The following ITGBL1 variants were observed in gnomAD, a reference collection of about 807,000 sequenced individuals.
ITGBL1 encodes the protein integrin subunit beta like 1, also known as integrin beta-like protein 1.
In ITGBL1, 51 loss-of-function variants were observed where a neutral mutation model predicts 68.5. The ratio of observed to expected loss-of-function variants is 0.74; its 90% CI spans 0.59 to 0.94. The LOEUF (loss-of-function observed/expected upper bound fraction) is 0.94. Ranked by LOEUF, ITGBL1 falls within the 40% of genes least tolerant of loss-of-function variation. The pLI is 0.00. For missense variants in ITGBL1, 649 were observed against 647.4 expected, an observed-to-expected ratio of 1.00 and a Z score of -0.03; for synonymous variants, 209 against 227.3, an observed-to-expected ratio of 0.92 and a Z score of 0.72.
At chr13:101,540,158 T>C (rs2049666308) in intron 2 of ITGBL1, among the ~76,000 whole-genome samples, 2 of 152,122 alleles carry the variant, frequency 1.3e-5, no homozygotes, top group Admixed American at 1.3e-4. Context: ...ATTGCCTAGG[T>C]TTTCTTCTAG....
chr13:101,626,934 A>G (rs1425911941), intron 7 of ITGBL1, among the ~76,000 whole-genome samples: 1 of 152,194 alleles, frequency 6.6e-6, no homozygotes, highest in Non-Finnish European at 1.5e-5. Context: ...ATATCTTAAA[A>G]AGAGCCCTGG....
chr13:101,715,331 G>A, intron 10 of ITGBL1: 1 of 494,064 alleles, frequency 2.0e-6, no homozygotes, highest in Non-Finnish European at 3.6e-6. Flanking sequence ...ATACAGGATG[G>A]TGACTATCTG....
intron 2 of ITGBL1, among the ~76,000 whole-genome samples, chr13:101,464,678 T>C (rs1341087312): frequency 6.6e-6 from 1 of 152,126 alleles, no homozygotes; most frequent in African/African-American, 2.4e-5. Flanking sequence ...TATATACACA[T>C]ATTTATATAT....
chr13:101,526,517 G>T (rs1416614007), intron 2 of ITGBL1, among the ~76,000 whole-genome samples: 1 of 152,068 alleles, frequency 6.6e-6, no homozygotes, highest in African/African-American at 2.4e-5. Context: ...AAAAGGATGA[G>T]TTCATGTCCT....
At chr13:101,548,953 A>G (rs1262099834) in intron 2 of ITGBL1, among the ~76,000 whole-genome samples, 1 of 151,946 alleles carries the variant, frequency 6.6e-6, no homozygotes, top group East Asian at 1.9e-4. Flanking sequence ...TGAAGAATAC[A>G]AAAGGGACAT....
chr13:101,579,539 C>A, intron 5 of ITGBL1, 112 bp downstream of exon 5: 1 of 1,100,018 alleles, frequency 9.1e-7, no homozygotes, highest in Non-Finnish European at 1.3e-6. Context: ...ATCTTCTAAC[C>A]ATTTACTTTG....
chr13:101,663,164 T>C (rs886079135), intron 7 of ITGBL1, among the ~76,000 whole-genome samples: 1 of 152,214 alleles, frequency 6.6e-6, no homozygotes, highest in Non-Finnish European at 1.5e-5. Context: ...ATGATTTTTA[T>C]ATGTACATTA....
intron 4 of ITGBL1, among the ~76,000 whole-genome samples, chr13:101,578,141 C>T (rs2050394473): frequency 6.6e-6 from 1 of 152,054 alleles, no homozygotes; most frequent in Non-Finnish European, 1.5e-5. Flanking sequence ...CGTAGGATAC[C>T]AGAATATTCT....
intron 10 of ITGBL1, chr13:101,714,900 AT>A (rs139148907): frequency 0.012 from 2,720 of 233,992 alleles, 85 homozygotes; most frequent in African/African-American, 0.057. Context: ...GGAATGAAAT[AT>A]TCTTTTAAAC....
intron 8 of ITGBL1, among the ~76,000 whole-genome samples, chr13:101,701,652 A>G (rs1205073762): frequency 2.0e-5 from 3 of 152,240 alleles, no homozygotes; most frequent in Non-Finnish European, 1.5e-5. Context: ...AATCAAAGGC[A>G]GAATATCAAC....
At chr13:101,589,164 CAATT>C (rs1354890642) in intron 6 of ITGBL1, among the ~76,000 whole-genome samples, 21 of 152,154 alleles carry the variant, frequency 1.4e-4, no homozygotes, top group Admixed American at 1.4e-3. Flanking sequence ...TCAACTCTGT[CAATT>C]AATCTGTAAT....
At chr13:101,485,223 A>G (rs550356178) in intron 2 of ITGBL1, among the ~76,000 whole-genome samples, 1 of 152,342 alleles carries the variant, frequency 6.6e-6, no homozygotes, top group Non-Finnish European at 1.5e-5. Flanking sequence ...GAAGTTCTGC[A>G]GGCACAAGGA....
At position 101,492,821 on chromosome 13, in the gene ITGBL1, T is replaced by C. The variant is rs1002344160; in HGVS notation, c.316+38721T>C. On this transcript the variant is annotated intron_variant, in intron 2 of 10. Coordinates refer to ENST00000376180, the MANE Select transcript of ITGBL1 (RefSeq NM_004791.3). The stretch of plus-strand genomic sequence containing the variant: ...AGTATATTGTCTCACTGTACAATCC[T>C]CTTTTGAATTCCCAAAGCCGAATAT... Among the ~76,000 whole-genome samples the C allele has an allele frequency of 3.3e-5, 5 of 152,204 alleles. 1 individual carries two copies. Among genetic ancestry groups the C allele is most frequent in the Non-Finnish European group, 7.3e-5 (5 of 68,042 alleles).
At chr13:101,580,445 T>TTTATTA (rs4000925) in intron 5 of ITGBL1, among the ~76,000 whole-genome samples, 1,750 of 151,202 alleles carry the variant, frequency 0.012, 36 homozygotes, top group African/African-American at 0.04. Context: ...CTTTTTATTA[T>TTTATTA]TTATTATTAT....
rs564615476 is a variant in ITGBL1, at chr13:101,674,896, C to A, written c.1016-17689C>A. Among the ~76,000 whole-genome samples, 24 of 151,908 alleles carry A rather than the reference C, an allele frequency of 1.6e-4. 1 individual carries two copies. In the South Asian group the frequency reaches 4.8e-3, roughly 30 times the overall value. On this transcript the variant is annotated intron_variant, in intron 7 of 10. Transcript: ENST00000376180. Reference sequence around the variant, plus strand: ...GCTTTTTGTTTTTCTTTATTTGCTTCTTGACTTCAGTGTTTCTCTTTCTCT... The same window carrying A: ...GCTTTTTGTTTTTCTTTATTTGCTTATTGACTTCAGTGTTTCTCTTTCTCT...
chr13:101,714,475 A>G lies in ITGBL1; in HGVS notation c.1317A>G (p.Glu439=), dbSNP rs2281991. 0.15 allele frequency: 242,565 copies of G among 1,608,980 alleles called. 22,039 individuals are homozygous for G. The highest frequency in any genetic ancestry group is 0.43 in the East Asian group (19,355 of 44,790). ...CHCGKCICSA[E]EWYISGEFCD... Reference sequence around the variant, plus strand: ...GTGGGAAGTGCATTTGTTCTGCTGAAGAGTGGTATATTTCTGGGGAGTTCT... The same window carrying G: ...GTGGGAAGTGCATTTGTTCTGCTGAGGAGTGGTATATTTCTGGGGAGTTCT... Residue 439 remains glutamate, a synonymous_variant, in exon 10 of 11, where the codon GAA becomes GAG. Transcript: ENST00000376180.
chr13:101,529,056 GAA>G (rs755613252), intron 2 of ITGBL1, among the ~76,000 whole-genome samples: 1 of 151,622 alleles, frequency 6.6e-6, no homozygotes, highest in Non-Finnish European at 1.5e-5. Context: ...AGAAATGAAA[GAA>G]AATAATAATT....
At chr13:101,614,255 C>T (rs1038867775) in intron 7 of ITGBL1, among the ~76,000 whole-genome samples, 2 of 152,042 alleles carry the variant, frequency 1.3e-5, no homozygotes, top group Admixed American at 6.5e-5. Flanking sequence ...TTTGGGTTTT[C>T]GCCATAGATA....
At chr13:101,605,083 CGTATATGT>C (rs547536404) in intron 7 of ITGBL1, among the ~76,000 whole-genome samples, 122 of 141,122 alleles carry the variant, frequency 8.6e-4, no homozygotes, top group African/African-American at 1.8e-3. Context: ...TACATATATG[CGTATATGT>C]GTATATGTGT....
Sources: gnomAD v4.1 joint callset for allele counts (sites outside exome capture counted in the v4.1 genomes callset) on GRCh38, gnomAD v4.1.1 for gene constraint, MANE v1.5 for transcripts, NCBI Gene and HGNC (gene_info 2026-07-23, HGNC 2026-07-21) for gene names.